The following SH3RF1 variants were observed in gnomAD, a reference collection of about 807,000 sequenced individuals.
SH3RF1 encodes the protein SH3 domain containing ring finger 1, also known as E3 ubiquitin-protein ligase SH3RF1.
A neutral mutation model predicts 74.0 loss-of-function variants in SH3RF1; 32 were observed. The ratio of observed to expected loss-of-function variants is 0.43; its 90% CI spans 0.33 to 0.58. The LOEUF (loss-of-function observed/expected upper bound fraction) is 0.58, where lower values mean the gene tolerates loss of function less well. Among genes scored for constraint, SH3RF1 ranks in the 20% least tolerant of loss-of-function variants. The pLI is 0.05. For synonymous variants in SH3RF1, 396 were observed against 439.6 expected (o/e 0.90, Z 1.24); for missense variants, 954 against 1,130.9 (o/e 0.84, Z 2.24).
chr4:169,156,305 T>C, intron 3 of SH3RF1, 99 bp downstream of exon 3: 1 of 1,350,026 alleles, frequency 7.4e-7, no homozygotes, highest in African/African-American at 1.6e-5. Flanking sequence ...ACACAAAACT[T>C]GTATTTTTTT....
intron 2 of SH3RF1, among the ~76,000 whole-genome samples, chr4:169,181,283 GAC>G (rs999276134): frequency 9.0e-5 from 9 of 100,544 alleles, no homozygotes; most frequent in African/African-American, 4.0e-4. Flanking sequence ...TTTTTTTTGA[GAC>G]AGAGTCTTGC....
chr4:169,117,850 G>A lies in SH3RF1; in HGVS notation c.1518-68C>T, dbSNP rs1197677277. 3.9e-6 allele frequency: 6 copies of A among 1,533,018 alleles called. No homozygotes were observed. In the Admixed American group the frequency reaches 6.1e-5, roughly 16 times the overall value. 95.0% of individuals were successfully genotyped at this position (1,533,018 alleles called of 1,614,324 possible). On this transcript the variant is annotated intron_variant, in intron 8 of 11. Coordinates refer to ENST00000284637, the MANE Select transcript of SH3RF1 (RefSeq NM_020870.4). ...AAAATGACAGAAAGAACAATTAAAT[G>A]CAAGAAAAATGACTCAGAGCTTTAA...
At chr4:169,193,656 G>A (rs1240312083) in intron 2 of SH3RF1, among the ~76,000 whole-genome samples, 1 of 152,104 alleles carries the variant, frequency 6.6e-6, no homozygotes, top group African/African-American at 2.4e-5. Context: ...GGTCCTGTCA[G>A]GGAACACATC....
chr4:169,266,209 T>C (rs940025347), intron 2 of SH3RF1, among the ~76,000 whole-genome samples: 4 of 152,224 alleles, frequency 2.6e-5, no homozygotes, highest in African/African-American at 9.6e-5. Context: ...TTGATAACAT[T>C]CAATATACTT....
chr4:169,143,781 C>T (rs947955139), intron 4 of SH3RF1, among the ~76,000 whole-genome samples: 2 of 152,212 alleles, frequency 1.3e-5, no homozygotes, highest in Non-Finnish European at 2.9e-5. Context: ...ACATCAGTTA[C>T]GTAGCTCTTC....
intron 11 of SH3RF1, among the ~76,000 whole-genome samples, chr4:169,103,026 T>TTTC (rs1295429155): frequency 1.4e-5 from 2 of 145,380 alleles, no homozygotes; most frequent in African/African-American, 5.0e-5. Context: ...GGTTCAAGCA[T>TTTC]TTCTCTGCCT....
chr4:169,250,117 T>C (rs1406113093), intron 2 of SH3RF1, among the ~76,000 whole-genome samples: 3 of 152,246 alleles, frequency 2.0e-5, no homozygotes, highest in African/African-American at 7.2e-5. Flanking sequence ...CCTAAGAATA[T>C]GTTAAGCATA....
intron 2 of SH3RF1, among the ~76,000 whole-genome samples, chr4:169,247,462 G>A (rs78981245): frequency 0.024 from 3,590 of 152,258 alleles, 136 homozygotes; most frequent in African/African-American, 0.082. Flanking sequence ...CACGAGGCAC[G>A]TATGAAGGTG....
chr4:169,136,074 T>A (rs1733694602), intron 5 of SH3RF1, among the ~76,000 whole-genome samples: 1 of 152,218 alleles, frequency 6.6e-6, no homozygotes, highest in Non-Finnish European at 1.5e-5. Flanking sequence ...ATAACTCATC[T>A]TGTAAGTTCT....
At chr4:169,198,762 G>C (rs116116532) in intron 2 of SH3RF1, among the ~76,000 whole-genome samples, 2,704 of 152,012 alleles carry the variant, frequency 0.018, 76 homozygotes, top group African/African-American at 0.062. Flanking sequence ...CTTTACAAGA[G>C]AAAAAAGAGA....
intron 2 of SH3RF1, among the ~76,000 whole-genome samples, chr4:169,226,638 G>T (rs1730656736): frequency 6.6e-6 from 1 of 152,142 alleles, no homozygotes; most frequent in Non-Finnish European, 1.5e-5. Flanking sequence ...AATGACTTTA[G>T]GTCAGTAGCT....
rs201164850 is a variant in SH3RF1, at chr4:169,117,547, G to C, written c.1753C>G (p.Gln585Glu). The C allele has an allele frequency of 1.9e-6, 3 of 1,614,248 alleles. No individual in the cohort carries two copies. Among genetic ancestry groups the C allele is most frequent in the East Asian group, 4.5e-5 (2 of 44,894 alleles). Residue 585 changes from glutamine to glutamate, a missense_variant, in exon 9 of 12, where the codon CAG becomes GAG. Around this residue, in one of 3 missense-constraint regions of SH3RF1, gnomAD observed 854 missense variants for 962.5 expected, o/e 0.89. Transcript: ENST00000284637. ...CCTGTCCTCACAGCATTGCGGGCCT[G>C]GTTGACTGTCATTTGCCCCGTCATG... ...LHMTGQMTVN[Q>E]ARNAVRTVAA... is the part of the protein sequence containing the mutation.
intron 2 of SH3RF1, among the ~76,000 whole-genome samples, chr4:169,218,208 T>C (rs1730496617): frequency 7.0e-6 from 1 of 143,200 alleles, no homozygotes; most frequent in Admixed American, 7.1e-5. Flanking sequence ...TATAATATAA[T>C]ATATAATATA....
chr4:169,192,805 T>C, intron 2 of SH3RF1, among the ~76,000 whole-genome samples: 1 of 148,612 alleles, frequency 6.7e-6, no homozygotes, highest in South Asian at 2.1e-4. Context: ...TTTATATATA[T>C]ATGATATATA....
At chr4:169,148,686 G>A (rs758347386) in intron 4 of SH3RF1, among the ~76,000 whole-genome samples, 2 of 152,100 alleles carry the variant, frequency 1.3e-5, no homozygotes, top group Non-Finnish European at 2.9e-5. Flanking sequence ...TGGTACAAAC[G>A]GGGTACTGTA....
chr4:169,098,062 G>C lies in SH3RF1; in HGVS notation c.2499-1375C>G, dbSNP rs1732960428. Among the ~76,000 whole-genome samples the C allele has an allele frequency of 5.9e-5, 9 of 152,214 alleles. No homozygotes were observed. The South Asian group carries it at 1.9e-3, about 31-fold the overall frequency. On this transcript the variant is annotated intron_variant, in intron 11 of 11. Coordinates refer to ENST00000284637, the MANE Select transcript of SH3RF1 (RefSeq NM_020870.4). ...GCTGATGTCTTGACTACAATCTCAA[G>C]AAATACTCTAAGCCAGAACCAACCA... is the stretch of plus-strand genomic sequence containing the variant.
chr4:169,148,122 T>C (rs930254450), intron 4 of SH3RF1, among the ~76,000 whole-genome samples: 1 of 152,218 alleles, frequency 6.6e-6, no homozygotes, highest in African/African-American at 2.4e-5. Flanking sequence ...TAATTTGTTA[T>C]GAAACATTAA....
Position 169,120,778 on chromosome 4 carries a change from C to T in SH3RF1, c.1517+41G>A, listed in dbSNP as rs138083790. ...AAAACCATGGAAAAGAACAAAGCTTCTCTGTTTAGAACATAGTAAACAATG... is the reference window on the plus strand; with the variant it reads ...AAAACCATGGAAAAGAACAAAGCTTTTCTGTTTAGAACATAGTAAACAATG... On this transcript the variant is annotated intron_variant, in intron 8 of 11. Coordinates refer to ENST00000284637, the MANE Select transcript of SH3RF1 (RefSeq NM_020870.4). 1,218 of 1,596,432 alleles carry T rather than the reference C, an allele frequency of 7.6e-4. 9 individuals carry two copies. In the African/African-American group the frequency reaches 0.015, roughly 20 times the overall value.
In SH3RF1 at chr4:169,107,273, C is replaced by T. The variant is rs893026731; in HGVS notation, c.2140-68G>A. ...ACTATTGCTGGTGTAATCTAAAGGG[C>T]CCTATAGTTCATTACTACTTTTTAA... is the stretch of plus-strand genomic sequence containing the variant. On this transcript the variant is annotated intron_variant, in intron 10 of 11. Transcript: ENST00000284637. 6 of 1,368,762 alleles carry T rather than the reference C, an allele frequency of 4.4e-6. No individual in the cohort carries two copies. In the East Asian group the frequency reaches 1.2e-4, roughly 27 times the overall value. The allele number at this position is 1,368,762 out of a possible 1,614,324, so 84.8% of individuals were successfully genotyped here. A position where few individuals can be genotyped will look rare whatever the true frequency, so the allele number is the denominator to read the frequency against.
Sources: gnomAD v4.1 joint callset for allele counts (sites outside exome capture counted in the v4.1 genomes callset) on GRCh38, gnomAD v4.1.1 for gene constraint, gnomAD v4.1.1 regional missense constraint, MANE v1.5 for transcripts, NCBI Gene and HGNC (gene_info 2026-07-23, HGNC 2026-07-21) for gene names.